Variants in KIAA1671 observed in about 807,000 individuals in gnomAD.
KIAA1671 encodes KIAA1671.
In KIAA1671, 52 loss-of-function variants were observed where a neutral mutation model predicts 131.2. The observed-to-expected ratio is 0.40, with a 90% CI of 0.32 to 0.50. The LOEUF is 0.50. Ranked by LOEUF, KIAA1671 falls within the 20% of genes least tolerant of loss-of-function variation. KIAA1671 has a pLI of 0.73. For missense variants in KIAA1671, 2,360 were observed against 2,364.2 expected, an observed-to-expected ratio of 1.00 and a Z score of 0.04; for synonymous variants, 1,003 against 961.6, an observed-to-expected ratio of 1.04 and a Z score of -0.80.
chr22:25,025,175 G>T (rs1189485411), intron 1 of KIAA1671, among the ~76,000 whole-genome samples: 1 of 61,968 alleles, frequency 1.6e-5, no homozygotes, highest in Non-Finnish European at 3.8e-5. Flanking sequence ...TCAGCACCTC[G>T]AATGCTCAGT....
At chr22:25,145,457 G>A (rs1240408323) in intron 6 of KIAA1671, among the ~76,000 whole-genome samples, 1 of 152,168 alleles carries the variant, frequency 6.6e-6, no homozygotes, top group Non-Finnish European at 1.5e-5. Flanking sequence ...CCAGGGACAT[G>A]GTGTAGGAAC....
intron 6 of KIAA1671, among the ~76,000 whole-genome samples, chr22:25,088,061 G>A (rs956804688): frequency 6.6e-6 from 1 of 152,036 alleles, no homozygotes; most frequent in Non-Finnish European, 1.5e-5. Context: ...TTAAGAAGAT[G>A]GAAGTGGTTT....
At chr22:25,173,442 A>T (rs1933917731) in intron 7 of KIAA1671, among the ~76,000 whole-genome samples, 1 of 152,200 alleles carries the variant, frequency 6.6e-6, no homozygotes, top group Admixed American at 6.5e-5. Context: ...GAATAAGTGA[A>T]TGAAATAATG....
At chr22:25,175,809 G>A (rs932534769) in intron 8 of KIAA1671, 5 of 152,238 alleles carry the variant, frequency 3.3e-5, no homozygotes, top group Non-Finnish European at 5.9e-5. Flanking sequence ...TGGCCATGGA[G>A]TGACTCTAAA....
At chr22:24,989,002 C>T (rs1327282788) in intron 1 of KIAA1671, among the ~76,000 whole-genome samples, 1 of 152,218 alleles carries the variant, frequency 6.6e-6, no homozygotes, top group East Asian at 1.9e-4. Context: ...CTCTGACTCC[C>T]TGTACTTTGT....
At chr22:25,152,127 G>A (rs1436397522) in intron 6 of KIAA1671, among the ~76,000 whole-genome samples, 1 of 152,112 alleles carries the variant, frequency 6.6e-6, no homozygotes, top group South Asian at 2.1e-4. Context: ...TTCAGGTTAC[G>A]CCCACTTTAT....
rs1921473349 is a variant in KIAA1671 at position 24,952,720 on chromosome 22, G to GC, written c.-258dup. 6.5e-6 allele frequency: 1 copy of GC among 154,564 alleles called. No homozygotes were observed. Among genetic ancestry groups the GC allele is most frequent in the South Asian group, 1.8e-4 (1 of 5,622 alleles). The allele number at this position is 154,564 out of a possible 1,614,324, so 9.6% of individuals were successfully genotyped here. On this transcript the variant is annotated 5_prime_UTR_variant, in exon 1 of 13. Coordinates refer to ENST00000358431, the MANE Select transcript of KIAA1671 (RefSeq NM_001145206.2). This position sits in a 1 kb window ranked among gnomAD's most constrained non-coding sequence, Gnocchi z 4.5. ...GGGGCTGCGGGCTCCCAGGGCAGGT[G>GC]CCGCGGGCTGCGGGCAGGTGGCGGC...
chr22:25,163,363 T>TTTTTTTTTTTTTTTG (rs1933519787), intron 6 of KIAA1671, among the ~76,000 whole-genome samples: 1 of 125,548 alleles, frequency 8.0e-6, no homozygotes, highest in African/African-American at 3.2e-5. Flanking sequence ...TTTTTTTTTT[T>TTTTTTTTTTTTTTTG]TACATTTTCT....
At chr22:24,965,143 G>A (rs1479195743) in intron 1 of KIAA1671, among the ~76,000 whole-genome samples, 1 of 151,462 alleles carries the variant, frequency 6.6e-6, no homozygotes, top group Non-Finnish European at 1.5e-5. Context: ...GGGGACGGTG[G>A]CTCACACCTG....
chr22:24,990,765 G>C (rs1202756863), intron 1 of KIAA1671, among the ~76,000 whole-genome samples: 1 of 152,276 alleles, frequency 6.6e-6, no homozygotes, highest in East Asian at 1.9e-4. Context: ...TGCTGGTCTT[G>C]GATTCCTGCC....
intron 7 of KIAA1671, among the ~76,000 whole-genome samples, chr22:25,173,175 C>G (rs1420207368): frequency 4.6e-5 from 7 of 152,156 alleles, no homozygotes; most frequent in Non-Finnish European, 5.9e-5. Context: ...AGAGCTCACT[C>G]ACTATCATGA....
At chr22:24,977,917 A>G (rs1922998168) in intron 1 of KIAA1671, among the ~76,000 whole-genome samples, 1 of 152,190 alleles carries the variant, frequency 6.6e-6, no homozygotes, top group Admixed American at 6.5e-5. Flanking sequence ...ATGTCCCTGG[A>G]CCTGCATAGC....
rs1926885873 is a variant in KIAA1671, at chr22:25,040,907, C to T, written c.3777C>T (p.Leu1259=). 2.0e-6 allele frequency: 3 copies of T among 1,507,972 alleles called. No homozygotes were observed. Among genetic ancestry groups the T allele is most frequent in the African/African-American group, 2.8e-5 (2 of 71,358 alleles). 93.4% of individuals were successfully genotyped at this position (1,507,972 alleles called of 1,614,324 possible). The stretch of plus-strand genomic sequence containing the variant: ...AGGAGATGCCCGATACCGGGGGTCT[C>T]TGGAAACCGGCCAGTTCTGCCGAAA... ...SLKEMPDTGG[L]WKPASSAEIN... is the part of the protein sequence containing the mutation. The change falls in exon 5 of 13, where the codon CTC becomes CTT. Residue 1259 remains leucine, a synonymous_variant. Coordinates refer to ENST00000358431, the MANE Select transcript of KIAA1671 (RefSeq NM_001145206.2).
At chr22:25,023,371 T>TAAAAATA (rs1925776034) in intron 1 of KIAA1671, 1 of 151,848 alleles carries the variant, frequency 6.6e-6, no homozygotes, top group East Asian at 1.9e-4. Flanking sequence ...TCTAAAAATA[T>TAAAAATA]AAAAATAAAA....
intron 6 of KIAA1671, among the ~76,000 whole-genome samples, chr22:25,101,210 T>A (rs1930648408): frequency 1.3e-5 from 2 of 152,170 alleles, no homozygotes; most frequent in East Asian, 3.8e-4. Flanking sequence ...AACCACCGGG[T>A]GGCCCAGGGA....
At chr22:25,165,287 A>G (rs1344336704) in intron 6 of KIAA1671, among the ~76,000 whole-genome samples, 2 of 152,204 alleles carry the variant, frequency 1.3e-5, no homozygotes. Flanking sequence ...TATATTCACC[A>G]TAACCTGCTT....
intron 4 of KIAA1671, among the ~76,000 whole-genome samples, chr22:25,034,576 A>G (rs936684906): frequency 5.3e-5 from 8 of 152,058 alleles, no homozygotes; most frequent in African/African-American, 1.9e-4. Context: ...TATTTGTGTG[A>G]GTAGACCACA....
chr22:25,188,664 A>G (rs1934559064), intron 11 of KIAA1671, among the ~76,000 whole-genome samples: 1 of 152,196 alleles, frequency 6.6e-6, no homozygotes, highest in South Asian at 2.1e-4. Flanking sequence ...GTTATATTTT[A>G]TATATTCTTA....
chr22:25,036,575 T>C (rs1926611747), intron 4 of KIAA1671, among the ~76,000 whole-genome samples: 1 of 152,100 alleles, frequency 6.6e-6, no homozygotes, highest in Non-Finnish European at 1.5e-5. Flanking sequence ...CCATTGGTAA[T>C]AGCTGTTATC....
Sources: allele counts gnomAD v4.1 joint callset (sites outside exome capture counted in the v4.1 genomes callset), GRCh38; gene constraint gnomAD v4.1.1; non-coding constraint Gnocchi (gnomAD v3.1); transcripts MANE v1.5; gene names NCBI Gene and HGNC (gene_info 2026-07-23, HGNC 2026-07-21).